The following TP53BP1 variants were observed in gnomAD, a reference collection of about 807,000 sequenced individuals.
The protein encoded by TP53BP1 is tumor protein p53 binding protein 1.
In TP53BP1, 61 loss-of-function variants were observed where a neutral mutation model predicts 200.8. The ratio of observed to expected loss-of-function variants is 0.30; its 90% CI spans 0.25 to 0.38. TP53BP1 has a LOEUF of 0.38. TP53BP1 is among the 10% of genes least tolerant of loss of function. The pLI, the probability that TP53BP1 is intolerant of heterozygous loss-of-function variation, is 1.00. For missense variants in TP53BP1, 2,144 were observed against 2,371.9 expected (o/e 0.90, Z 2.00); for synonymous variants, 822 against 844.3 (o/e 0.97, Z 0.46).
intron 4 of TP53BP1, among the ~76,000 whole-genome samples, chr15:43,482,428 T>A (rs1308996861): frequency 6.6e-6 from 1 of 151,692 alleles, no homozygotes; most frequent in Non-Finnish European, 1.5e-5. Context: ...TTAAGGTTAG[T>A]TCAAAACCAG....
chr15:43,404,741 A>T lies in TP53BP1; in HGVS notation c.*2642T>A. On this transcript the variant is annotated 3_prime_UTR_variant, in exon 28 of 28. Coordinates refer to ENST00000382044, the MANE Select transcript of TP53BP1 (RefSeq NM_001141980.3). The stretch of plus-strand genomic sequence containing the variant: ...TTTTCTAGTAGAAGTCATCATCATC[A>T]TAAAATACTAAAAAACCTGACAGTG... 1.5e-6 allele frequency: 1 copy of T among 647,470 alleles called. No individual in the cohort carries two copies. Among genetic ancestry groups the T allele is most frequent in the Non-Finnish European group, 2.5e-6 (1 of 394,328 alleles). 40.1% of individuals were successfully genotyped at this position (647,470 alleles called of 1,614,324 possible). A position where few individuals can be genotyped will look rare whatever the true frequency, so the allele number is the denominator to read the frequency against.
In TP53BP1 at chr15:43,507,337, G is replaced by T. The variant is rs933823197; in HGVS notation, c.-9+3033C>A. On this transcript the variant is annotated intron_variant, in intron 1 of 27. Transcript: ENST00000263801. The stretch of plus-strand genomic sequence containing the variant: ...TTTAGTAGAGATGGGGTTTCACCAT[G>T]TTGGCCAGGCTGGTCTCGAACTCCT... 2.0e-5 allele frequency among the ~76,000 whole-genome samples: 3 copies of T among 152,172 alleles called. No individual in the cohort carries two copies. In the South Asian group the frequency reaches 6.2e-4, roughly 32 times the overall value.
rs1196447920 is a variant in TP53BP1 at position 43,403,758 on chromosome 15, C to A, written c.*3625G>T. ...GCTGGTCAGTCAGAACCTAGGCCCACTGGATGAGCGTGGAGCCGCCCAGCT... is the reference window on the plus strand; with the variant it reads ...GCTGGTCAGTCAGAACCTAGGCCCAATGGATGAGCGTGGAGCCGCCCAGCT... On this transcript the variant is annotated 3_prime_UTR_variant, in exon 28 of 28. Transcript: ENST00000382044. The A allele has an allele frequency of 1.2e-6, 2 of 1,613,924 alleles. No individual in the cohort carries two copies. Among genetic ancestry groups the A allele is most frequent in the Non-Finnish European group, 1.7e-6 (2 of 1,180,000 alleles).
intron 23 of TP53BP1, chr15:43,415,320 C>T: frequency 4.1e-6 from 2 of 493,628 alleles, no homozygotes; most frequent in Non-Finnish European, 7.4e-6. Context: ...GCGATTCTCC[C>T]ACCTCAGCCT....
At chr15:43,466,763 G>A (rs1204863630) in intron 11 of TP53BP1, among the ~76,000 whole-genome samples, 1 of 152,120 alleles carries the variant, frequency 6.6e-6, no homozygotes, top group Non-Finnish European at 1.5e-5. Context: ...AGGCCGAGGT[G>A]GGAGGATGGC....
intron 15 of TP53BP1, 170 bp downstream of exon 15, chr15:43,441,356 A>T: frequency 3.8e-6 from 2 of 520,160 alleles, no homozygotes; most frequent in Non-Finnish European, 6.9e-6. Flanking sequence ...CTGAACTTAA[A>T]AAAGTATTAA....
chr15:43,502,179 C>G (rs953210893), intron 1 of TP53BP1, among the ~76,000 whole-genome samples: 2 of 151,846 alleles, frequency 1.3e-5, no homozygotes, highest in African/African-American at 2.4e-5. Context: ...AAAAATTAGT[C>G]AAGCATGGTG....
At chr15:43,492,646 G>C (rs974478014) in intron 1 of TP53BP1, among the ~76,000 whole-genome samples, 178 bp from the exon 2 acceptor site, 2 of 151,998 alleles carry the variant, frequency 1.3e-5, no homozygotes, top group African/African-American at 2.4e-5. Flanking sequence ...TGCCTACCAA[G>C]TCACCATTCC....
At chr15:43,427,031 A>G (rs188741888) in intron 18 of TP53BP1, among the ~76,000 whole-genome samples, 183 of 151,280 alleles carry the variant, frequency 1.2e-3, no homozygotes, top group African/African-American at 4.3e-3. Context: ...AAAAAAAAAA[A>G]AAAAAGAAAA....
chr15:43,414,007 A>T (rs2045200463), intron 23 of TP53BP1: 1 of 409,480 alleles, frequency 2.4e-6, no homozygotes, highest in Non-Finnish European at 5.0e-6. Context: ...CACCCATGCC[A>T]AGAGTGCCCC....
intron 7 of TP53BP1, among the ~76,000 whole-genome samples, chr15:43,478,694 T>C (rs1323340057): frequency 6.6e-6 from 1 of 152,090 alleles, no homozygotes; most frequent in Non-Finnish European, 1.5e-5. Context: ...ATCGATACCA[T>C]AAAATACCAG....
At chr15:43,458,611 GT>G (rs2046356801) in intron 11 of TP53BP1, among the ~76,000 whole-genome samples, 1 of 151,442 alleles carries the variant, frequency 6.6e-6, no homozygotes, top group South Asian at 2.1e-4. Flanking sequence ...TACACCCCAT[GT>G]CTACAGAAAC....
chr15:43,499,083 A>T (rs1381663265), intron 1 of TP53BP1, among the ~76,000 whole-genome samples: 1 of 152,134 alleles, frequency 6.6e-6, no homozygotes, highest in Non-Finnish European at 1.5e-5. Context: ...GAAAGAAGGG[A>T]GTTTTTATGT....
At chr15:43,471,522 G>C (rs1213377621) in intron 10 of TP53BP1, among the ~76,000 whole-genome samples, 4 of 152,008 alleles carry the variant, frequency 2.6e-5, no homozygotes, top group Non-Finnish European at 5.9e-5. Flanking sequence ...CGCCTCCCAG[G>C]TTCAAGTGAT....
chr15:43,465,310 G>C (rs1348551891), intron 11 of TP53BP1, among the ~76,000 whole-genome samples: 1 of 152,092 alleles, frequency 6.6e-6, no homozygotes, highest in Admixed American at 6.6e-5. Context: ...TTAGATCATG[G>C]TGATGGTTGC....
At chr15:43,471,849 A>G (rs146600517) in intron 10 of TP53BP1, among the ~76,000 whole-genome samples, 4 of 152,358 alleles carry the variant, frequency 2.6e-5, no homozygotes, top group African/African-American at 9.6e-5. Flanking sequence ...GGGTTTTTGT[A>G]GAATTAATTC....
intron 14 of TP53BP1, 105 bp from the exon 15 acceptor site, chr15:43,441,688 A>G: frequency 7.2e-6 from 5 of 696,132 alleles, no homozygotes; most frequent in South Asian, 3.3e-5. Flanking sequence ...AAAAAATAAC[A>G]AAAAGAAATA....
intron 1 of TP53BP1, among the ~76,000 whole-genome samples, chr15:43,508,008 C>G (rs921667683): frequency 6.6e-6 from 1 of 152,228 alleles, no homozygotes; most frequent in Non-Finnish European, 1.5e-5. Flanking sequence ...AGCCACCACT[C>G]CTGTCCAGTT....
intron 4 of TP53BP1, among the ~76,000 whole-genome samples, chr15:43,486,330 C>T (rs1026417121): frequency 2.6e-5 from 4 of 152,158 alleles, no homozygotes; most frequent in African/African-American, 7.2e-5. Context: ...GAGCCAAGAT[C>T]ATGCCATTGC....
Sources: allele counts gnomAD v4.1 joint callset (sites outside exome capture counted in the v4.1 genomes callset), GRCh38; gene constraint gnomAD v4.1.1; transcripts MANE v1.5; gene names NCBI Gene and HGNC (gene_info 2026-07-23, HGNC 2026-07-21).